Variants in WWOX observed in about 807,000 individuals in gnomAD.
WWOX encodes WW domain containing oxidoreductase, also known as WW domain-containing oxidoreductase.
Under a neutral mutation model 46.2 loss-of-function variants are expected in WWOX, and 69 were observed. The observed-to-expected ratio is 1.49, with a 90% confidence interval of 1.23 to 1.82. The LOEUF is 1.82. Ranked by LOEUF, WWOX falls within the 40% of genes most tolerant of loss-of-function variation. The pLI is 0.00. For missense variants in WWOX, 919 were observed against 542.6 expected (o/e 1.69, Z -6.89); for synonymous variants, 359 against 202.6 (o/e 1.77, Z -6.56).
intron 8 of WWOX, among the ~76,000 whole-genome samples, chr16:79,089,303 A>G (rs1359440799): frequency 3.3e-5 from 5 of 149,880 alleles, no homozygotes; most frequent in Admixed American, 3.3e-4. Context: ...ATTATAAATT[A>G]GCGTCATCAT....
chr16:79,060,645 C>G (rs55660615), intron 8 of WWOX, among the ~76,000 whole-genome samples: 3,866 of 152,312 alleles, frequency 0.025, 59 homozygotes, highest in Middle Eastern at 0.048. Context: ...AGAGTATTTT[C>G]TAGTCTCATT....
intron 8 of WWOX, among the ~76,000 whole-genome samples, chr16:78,459,628 C>T (rs957072776): frequency 1.3e-5 from 2 of 152,072 alleles, no homozygotes; most frequent in African/African-American, 2.4e-5. Context: ...TCTGCATTTG[C>T]GTGTGCCATT....
intron 8 of WWOX, among the ~76,000 whole-genome samples, chr16:79,193,477 T>G (rs2051177256): frequency 6.6e-6 from 1 of 152,202 alleles, no homozygotes; most frequent in Non-Finnish European, 1.5e-5. Flanking sequence ...TGCTGGGTCT[T>G]GCGTCACAGA....
At chr16:78,746,074 G>T (rs2142433516) in intron 8 of WWOX, among the ~76,000 whole-genome samples, 1 of 152,254 alleles carries the variant, frequency 6.6e-6, no homozygotes, top group African/African-American at 2.4e-5. Context: ...AAATGCTCAG[G>T]AAAGCCAGAG....
Position 79,048,630 on chromosome 16 carries a change from C to T in WWOX, c.1057-162978C>T, listed in dbSNP as rs547075889. ...AGAATGTGTTGTGTTTTTTTGTTTTCTCTGATAATTATACTCTAAAGCATC... is the reference window on the plus strand; with the variant it reads ...AGAATGTGTTGTGTTTTTTTGTTTTTTCTGATAATTATACTCTAAAGCATC... On this transcript the variant is annotated intron_variant, in intron 8 of 8. Transcript: ENST00000566780. Among the ~76,000 whole-genome samples, 19 of 152,174 alleles carry T rather than the reference C, an allele frequency of 1.2e-4. No individual in the cohort carries two copies. The East Asian group carries it at 3.7e-3, about 29-fold the overall frequency.
chr16:78,694,792 T>C (rs1281035805), intron 8 of WWOX, among the ~76,000 whole-genome samples: 1 of 152,124 alleles, frequency 6.6e-6, no homozygotes, highest in Non-Finnish European at 1.5e-5. Flanking sequence ...CTCTTCCTGC[T>C]CTTGATTTAA....
chr16:79,027,022 G>A (rs1355713950), intron 8 of WWOX, among the ~76,000 whole-genome samples: 1 of 151,442 alleles, frequency 6.6e-6, no homozygotes, highest in African/African-American at 2.4e-5. Context: ...GCTCATGCCT[G>A]TAATCCCAGC....
At chr16:78,551,444 G>C (rs1048130089) in intron 8 of WWOX, 1 of 152,126 alleles carries the variant, frequency 6.6e-6, no homozygotes, top group South Asian at 2.1e-4. Context: ...CCTGATGTCT[G>C]GGAAATTGGG....
chr16:78,866,184 T>C (rs1198866882), intron 8 of WWOX, among the ~76,000 whole-genome samples: 2 of 152,166 alleles, frequency 1.3e-5, no homozygotes, highest in South Asian at 2.1e-4. Flanking sequence ...AGTTGTATTA[T>C]GAAAACACCG....
At chr16:78,579,037 C>G (rs558177548) in intron 8 of WWOX, among the ~76,000 whole-genome samples, 2 of 152,072 alleles carry the variant, frequency 1.3e-5, no homozygotes, top group Admixed American at 1.3e-4. Context: ...TTCCTTTGCC[C>G]TTTTCGTAGG....
chr16:79,005,490 C>T (rs1029891671), intron 8 of WWOX, among the ~76,000 whole-genome samples: 15 of 152,172 alleles, frequency 9.9e-5, no homozygotes, highest in African/African-American at 2.4e-4. Context: ...GTCGAGGTTT[C>T]GGCAAGGCCA....
rs372768310 is a variant in WWOX at position 79,132,254 on chromosome 16, C to T, written c.1057-79354C>T. Among the ~76,000 whole-genome samples the T allele has an allele frequency of 9.9e-5, 15 of 152,174 alleles. No individual in the cohort carries two copies. In the East Asian group the frequency reaches 1.9e-3, roughly 20 times the overall value. ...GAACTTTAGTTGACTTTATAAGTTACATTTTACATAAAAAGGCAGCAGTGG... is the reference window on the plus strand; with the variant it reads ...GAACTTTAGTTGACTTTATAAGTTATATTTTACATAAAAAGGCAGCAGTGG... On this transcript the variant is annotated intron_variant, in intron 8 of 8. Transcript: ENST00000566780.
chr16:79,032,920 A>G (rs2047793538), intron 8 of WWOX, among the ~76,000 whole-genome samples: 1 of 150,902 alleles, frequency 6.6e-6, no homozygotes, highest in Non-Finnish European at 1.5e-5. Context: ...CCCTCCTGCC[A>G]CCCTCCACCC....
At chr16:79,002,524 C>G (rs1183157768) in intron 8 of WWOX, among the ~76,000 whole-genome samples, 1 of 152,108 alleles carries the variant, frequency 6.6e-6, no homozygotes, top group Non-Finnish European at 1.5e-5. Context: ...CACCCGGCCC[C>G]TGCCTTTTTA....
At chr16:78,994,401 G>T (rs1308884409) in intron 8 of WWOX, 2 of 152,308 alleles carry the variant, frequency 1.3e-5, no homozygotes, top group South Asian at 4.1e-4. Flanking sequence ...TGATACAAAG[G>T]TTATTTTTAT....
intron 8 of WWOX, among the ~76,000 whole-genome samples, chr16:78,879,920 G>C (rs995949499): frequency 6.6e-6 from 1 of 151,962 alleles, no homozygotes; most frequent in African/African-American, 2.4e-5. Flanking sequence ...TAACAGTCTG[G>C]AATCTCTAGG....
intron 8 of WWOX, among the ~76,000 whole-genome samples, chr16:78,920,736 A>G (rs1205461785): frequency 6.6e-6 from 1 of 152,154 alleles, no homozygotes; most frequent in Non-Finnish European, 1.5e-5. Context: ...ACTTTTTATT[A>G]TCAGCACCAT....
At chr16:78,915,286 C>G (rs949484507) in intron 8 of WWOX, among the ~76,000 whole-genome samples, 11 of 152,198 alleles carry the variant, frequency 7.2e-5, no homozygotes, top group African/African-American at 2.4e-4. Context: ...AGAATCTGGT[C>G]ACCTGTCCTT....
At chr16:78,364,711 A>G (rs1202430937) in intron 5 of WWOX, among the ~76,000 whole-genome samples, 1 of 152,170 alleles carries the variant, frequency 6.6e-6, no homozygotes, top group Admixed American at 6.5e-5. Context: ...ATTCCAGTCT[A>G]AATCCCTGCC....
Sources: allele counts gnomAD v4.1 joint callset (sites outside exome capture counted in the v4.1 genomes callset), GRCh38; gene constraint gnomAD v4.1.1; transcripts MANE v1.5; gene names NCBI Gene and HGNC (gene_info 2026-07-23, HGNC 2026-07-21).